RBFA: variants seen among roughly 807,000 people sequenced by gnomAD.
RBFA encodes the protein putative ribosome-binding factor A, mitochondrial.
Under a neutral mutation model 27.9 loss-of-function variants are expected in RBFA, and 16 were observed. That is an observed-to-expected ratio of 0.57 (90% CI 0.39 to 0.87). The LOEUF (loss-of-function observed/expected upper bound fraction) is 0.87, where lower values mean the gene tolerates loss of function less well. RBFA is among the 40% of genes least tolerant of loss of function. The probability of loss-of-function intolerance (pLI) is 0.00; values close to 1 mark genes in which losing one functional copy is unlikely to be tolerated. For synonymous variants in RBFA, 181 were observed against 181.0 expected (o/e 1.00, Z 0.00); for missense variants, 456 against 432.1 (o/e 1.06, Z -0.49).
At chr18:80,037,233 G>C in intron 2 of RBFA, 97 bp from the exon 3 acceptor site, 1 of 881,426 alleles carries the variant, frequency 1.1e-6, no homozygotes, top group Non-Finnish European at 1.8e-6. Context: ...CTGTTGATCT[G>C]GTTGCCCATC....
At position 80,048,941 on chromosome 18, in the gene RBFA, C is replaced by CATCT. The variant is rs1555724759; in HGVS notation, c.*2786_*2787insATCT. ...CACGTTTGCAGGGGATCCAACCAGG[C>CATCT]GTCTGCTCAGTGCCTCCTAGAAAGT... is the stretch of plus-strand genomic sequence containing the variant. On this transcript the variant is annotated 3_prime_UTR_variant, in exon 7 of 7. Coordinates refer to ENST00000306735, the MANE Select transcript of RBFA (RefSeq NM_024805.3). Among the ~76,000 whole-genome samples, 1 of 142,154 alleles carries CATCT rather than the reference C, an allele frequency of 7.0e-6. No homozygotes were observed. Among genetic ancestry groups the CATCT allele is most frequent in the African/African-American group, 2.7e-5 (1 of 36,624 alleles). The allele number at this position is 142,154 out of a possible 152,430, so 93.3% of individuals were successfully genotyped here.
In RBFA at chr18:80,046,270, A is replaced by C. The variant is rs897470907; in HGVS notation, c.*115A>C. On this transcript the variant is annotated 3_prime_UTR_variant, in exon 7 of 7. Coordinates refer to ENST00000306735, the MANE Select transcript of RBFA (RefSeq NM_024805.3). ...AAACCATCTGCTCTTCTGCTACTTC[A>C]ACATTTTCTAGCTTTTCCGTGTATC... is the stretch of plus-strand genomic sequence containing the variant. 8 of 1,201,100 alleles carry C rather than the reference A, an allele frequency of 6.7e-6. No individual in the cohort carries two copies. In the Admixed American group the frequency reaches 8.4e-5, roughly 13 times the overall value. 74.4% of individuals were successfully genotyped at this position (1,201,100 alleles called of 1,614,324 possible). A position where few individuals can be genotyped will look rare whatever the true frequency, so the allele number is the denominator to read the frequency against.
At chr18:80,045,146 G>A (rs1248365290) in intron 6 of RBFA, among the ~76,000 whole-genome samples, 2 of 152,192 alleles carry the variant, frequency 1.3e-5, no homozygotes, top group East Asian at 3.8e-4. Flanking sequence ...ATGAGTGGCA[G>A]GTCTGATAGG....
chr18:80,037,226 T>TGATAGTGTGATAGTGTGATAG, intron 2 of RBFA, 104 bp from the exon 3 acceptor site: 3 of 809,414 alleles, frequency 3.7e-6, no homozygotes, highest in Admixed American at 2.1e-5. Flanking sequence ...ATAGCTGCTG[T>TGATAGTGTGATAGTGTGATAG]TGATCTGGTT....
At chr18:80,036,756 G>C in intron 2 of RBFA, 46 bp downstream of exon 2, 1 of 1,484,124 alleles carries the variant, frequency 6.7e-7, no homozygotes, top group Non-Finnish European at 9.3e-7. Context: ...TGGGAGTGAG[G>C]GTTTAAAAGT....
Position 80,049,457 on chromosome 18 carries a change from G to C in RBFA, c.*3302G>C, listed in dbSNP as rs1262144488. 6.6e-6 allele frequency among the ~76,000 whole-genome samples: 1 copy of C among 152,258 alleles called. No homozygotes were observed. ...GACGTGCACGCACACTAAACACCCA[G>C]AAGTTAGGGAGGCACTGATCCAGTG... On this transcript the variant is annotated 3_prime_UTR_variant, in exon 7 of 7. Coordinates refer to ENST00000306735, the MANE Select transcript of RBFA (RefSeq NM_024805.3).
chr18:80,045,996 C>A lies in RBFA; in HGVS notation c.873C>A (p.Ser291=). Residue 291 remains serine (S), a synonymous_variant, in exon 7 of 7, where the codon TCC becomes TCA. Coordinates refer to ENST00000306735, the MANE Select transcript of RBFA (RefSeq NM_024805.3). The part of the protein sequence containing the change: ...RAKPRLEQDS[S]LKSYLSGEEV... ...AGCCCCGCCTGGAGCAGGACAGCTC[C>A]CTCAAGAGTTACCTGTCAGGCGAGG... 1 of 1,614,108 alleles carries A rather than the reference C, an allele frequency of 6.2e-7. No homozygotes were observed.
At chr18:80,043,960 A>C (rs1599770000) in intron 5 of RBFA, among the ~76,000 whole-genome samples, 1 of 152,370 alleles carries the variant, frequency 6.6e-6, no homozygotes, top group East Asian at 1.9e-4. Flanking sequence ...TTGACTAACA[A>C]GTCTAAAATG....
At chr18:80,040,697 T>A (rs78232723) in intron 4 of RBFA, among the ~76,000 whole-genome samples, 22,669 of 152,136 alleles carry the variant, frequency 0.15, 1,826 homozygotes, top group East Asian at 0.29. Context: ...TATATATATA[T>A]TTTTTGTTAA....
In RBFA at chr18:80,037,336, A is replaced by G. The variant is rs776442901; in HGVS notation, c.208A>G (p.Lys70Glu). 1 of 1,613,728 alleles carries G rather than the reference A, an allele frequency of 6.2e-7. No individual in the cohort carries two copies. Among genetic ancestry groups the G allele is most frequent in the Non-Finnish European group, 8.5e-7 (1 of 1,179,944 alleles). The change falls in exon 3 of 7, where the codon AAA becomes GAA. Residue 70 changes from lysine to glutamate, a missense_variant. By Grantham distance (56) the Lys-to-Glu change is moderately conservative. Transcript: ENST00000306735. ...GCTCTTCTTCCTGATGGAGACTTAC[A>G]AACCATCCAAGTTGGAATTCCTCAT... Reference protein sequence around the residue: ...SPSLGSHSTYKPSKLEFLMRS... With the variant: ...SPSLGSHSTYEPSKLEFLMRS...
intron 2 of RBFA, 152 bp downstream of exon 2, chr18:80,036,862 T>G: frequency 1.9e-6 from 1 of 539,420 alleles, no homozygotes; most frequent in Non-Finnish European, 3.3e-6. Flanking sequence ...CATGGAGTTT[T>G]GATCTTTTCA....
chr18:80,037,845 C>T (rs544417606), intron 3 of RBFA, among the ~76,000 whole-genome samples: 6 of 151,820 alleles, frequency 4.0e-5, no homozygotes, highest in East Asian at 2.0e-4. Context: ...GCTGAGGCCG[C>T]GCCTCTGCAC....
chr18:80,037,382 C>T lies in RBFA; in HGVS notation c.254C>T (p.Thr85Ile). The change falls in exon 3 of 7, where the codon ACC (threonine) becomes ATC (isoleucine). Residue 85 changes from threonine to isoleucine, a missense_variant. Coordinates refer to ENST00000306735, the MANE Select transcript of RBFA (RefSeq NM_024805.3). The part of the protein sequence containing the change: ...EFLMRSTSKK[T>I]RKEDHARLRA... ...CTCATGAGGAGCACCTCAAAGAAAA[C>T]CAGGAAGGAAGACCATGCGCGCCTG... The T allele has an allele frequency of 6.2e-7, 1 of 1,614,046 alleles. No homozygotes were observed. The highest frequency in any genetic ancestry group is 8.5e-7 in the Non-Finnish European group (1 of 1,180,018).
intron 3 of RBFA, 52 bp from the exon 4 acceptor site, chr18:80,038,453 C>T (rs80338205): frequency 2.7e-5 from 26 of 953,758 alleles, no homozygotes; most frequent in Non-Finnish European, 3.4e-5. Context: ...TGTTGTTTGT[C>T]TTGAAAACCC....
chr18:80,044,093 A>T, intron 5 of RBFA, 119 bp from the exon 6 acceptor site: 1 of 838,132 alleles, frequency 1.2e-6, no homozygotes, highest in South Asian at 1.4e-5. Context: ...GGTGGAAGGA[A>T]TTGTGCAAAG....
chr18:80,048,119 T>C lies in RBFA; in HGVS notation c.*1964T>C, dbSNP rs949692979. On this transcript the variant is annotated 3_prime_UTR_variant, in exon 7 of 7. Transcript: ENST00000306735. ...ACGTTTTTGTATTTCCCTAGCAAGA[T>C]AACTTCAGGTTACAAGGCTCTGGTA... 2 of 152,252 alleles carry C rather than the reference T, an allele frequency of 1.3e-5. No individual in the cohort carries two copies. Among genetic ancestry groups the C allele is most frequent in the East Asian group, 1.9e-4 (1 of 5,200 alleles). 9.4% of individuals were successfully genotyped at this position (152,252 alleles called of 1,614,324 possible). A position where few individuals can be genotyped will look rare whatever the true frequency, so the allele number is the denominator to read the frequency against.
In RBFA at chr18:80,047,612, C is replaced by T. The variant is rs1032389381; in HGVS notation, c.*1457C>T. Among the ~76,000 whole-genome samples the T allele has an allele frequency of 6.6e-6, 1 of 152,098 alleles. No homozygotes were observed. On this transcript the variant is annotated 3_prime_UTR_variant, in exon 7 of 7. Coordinates refer to ENST00000306735, the MANE Select transcript of RBFA (RefSeq NM_024805.3). Reference sequence around the variant, plus strand: ...CTATATCAGGATGGGGAGGCCACTACCTCAGGCCAGTTAAACTAAGAAGAA... The same window carrying T: ...CTATATCAGGATGGGGAGGCCACTATCTCAGGCCAGTTAAACTAAGAAGAA...
rs1009583879 is a variant in RBFA at position 80,049,691 on chromosome 18, T to C, written c.*3536T>C. Among the ~76,000 whole-genome samples the C allele has an allele frequency of 5.3e-5, 8 of 152,228 alleles. No homozygotes were observed. Among genetic ancestry groups the C allele is most frequent in the Non-Finnish European group, 1.0e-4 (7 of 68,034 alleles). On this transcript the variant is annotated 3_prime_UTR_variant, in exon 7 of 7. Coordinates refer to ENST00000306735, the MANE Select transcript of RBFA (RefSeq NM_024805.3). Reference sequence around the variant, plus strand: ...ACCAGACTGTCGGCCACTTCAGCCTTCTGGTTCGCTGTTCCTTGGTAATGC... The same window carrying C: ...ACCAGACTGTCGGCCACTTCAGCCTCCTGGTTCGCTGTTCCTTGGTAATGC...
chr18:80,045,789 AC>A lies in RBFA; in HGVS notation c.667del (p.Gln223AsnfsTer49), dbSNP rs2052047953. On this transcript the variant is annotated frameshift_variant, in exon 7 of 7. Coordinates refer to ENST00000306735, the MANE Select transcript of RBFA (RefSeq NM_024805.3). LOFTEE classifies it low-confidence loss of function (END_TRUNC). ...QNDFRDPDAP[Q>X]PCGTTEPTTS... is the part of the protein sequence containing the mutation. ...TCCTTCCCAGGGACCCTGATGCCCCACAACCCTGCGGCACCACAGAGCCGAC... is the reference window on the plus strand; with the variant it reads ...TCCTTCCCAGGGACCCTGATGCCCCAAACCCTGCGGCACCACAGAGCCGAC... 1 of 1,516,924 alleles carries A rather than the reference AC, an allele frequency of 6.6e-7. No homozygotes were observed. Among genetic ancestry groups the A allele is most frequent in the African/African-American group, 1.4e-5 (1 of 71,582 alleles). 94.0% of individuals were successfully genotyped at this position (1,516,924 alleles called of 1,614,324 possible). A position where few individuals can be genotyped will look rare whatever the true frequency, so the allele number is the denominator to read the frequency against.
Sources: allele counts gnomAD v4.1 joint callset (sites outside exome capture counted in the v4.1 genomes callset), GRCh38; gene constraint gnomAD v4.1.1; transcripts MANE v1.5; gene names NCBI Gene and HGNC (gene_info 2026-07-23, HGNC 2026-07-21).